The following DOCK9 variants were observed in gnomAD, a reference collection of about 807,000 sequenced individuals.
DOCK9 encodes dedicator of cytokinesis protein 9.
DOCK9 carries 89 observed loss-of-function variants against 263.3 expected under a neutral mutation model. That is an observed-to-expected ratio of 0.34 (90% CI 0.28 to 0.40). The LOEUF (loss-of-function observed/expected upper bound fraction) is 0.40. Among genes scored for constraint, DOCK9 ranks in the 10% least tolerant of loss-of-function variants. The pLI is 1.00. For synonymous variants in DOCK9, 976 were observed against 973.1 expected (o/e 1.00, Z -0.06); for missense variants, 2,140 against 2,603.4 (o/e 0.82, Z 3.87).
At chr13:98,891,205 G>A (rs1332066256) in intron 15 of DOCK9, among the ~76,000 whole-genome samples, 1 of 152,138 alleles carries the variant, frequency 6.6e-6, no homozygotes, top group Non-Finnish European at 1.5e-5. Context: ...ATGATAGCTT[G>A]TGGAGCCTCT....
At chr13:98,884,866 G>A (rs2045429706) in intron 21 of DOCK9, 105 bp downstream of exon 21, 4 of 1,321,144 alleles carry the variant, frequency 3.0e-6, no homozygotes, top group Non-Finnish European at 3.1e-6. Context: ...CAAAATGGTG[G>A]AAGAGCAAAA....
chr13:99,059,015 G>T (rs1596006400), intron 1 of DOCK9, among the ~76,000 whole-genome samples: 1 of 152,190 alleles, frequency 6.6e-6, no homozygotes, highest in South Asian at 2.1e-4. Context: ...TATCTCTCTG[G>T]CCTTGGCCCA....
At position 98,826,894 on chromosome 13, in the gene DOCK9, T is replaced by C; in HGVS notation, c.4966-7A>G. 3 of 1,606,184 alleles carry C rather than the reference T, an allele frequency of 1.9e-6. No individual in the cohort carries two copies. On this transcript the variant is annotated splice_polypyrimidine_tract_variant and splice_region_variant and intron_variant, in intron 43 of 52. Transcript: ENST00000682017. ...GGACATAGCACATTGCTGCCTATAA[T>C]AGAAGACACATGCCTCAGAATCATC...
chr13:98,880,458 A>G, intron 26 of DOCK9, 89 bp downstream of exon 26: 2 of 1,552,370 alleles, frequency 1.3e-6, no homozygotes, highest in Non-Finnish European at 1.8e-6. Flanking sequence ...TGTCTCTAAG[A>G]GCACTCAGAA....
intron 2 of DOCK9, among the ~76,000 whole-genome samples, chr13:98,931,250 C>T (rs1567002176): frequency 6.6e-6 from 1 of 152,110 alleles, no homozygotes; most frequent in African/African-American, 2.4e-5. Flanking sequence ...ACCTCAATAA[C>T]TAGGCTTAAG....
chr13:98,881,652 G>A (rs369792653), intron 24 of DOCK9, 25 bp from the exon 25 acceptor site: 3 of 1,587,326 alleles, frequency 1.9e-6, no homozygotes, highest in Non-Finnish European at 2.6e-6. Context: ...AGTGAATAAA[G>A]CAAAGAATAT....
intron 45 of DOCK9, among the ~76,000 whole-genome samples, chr13:98,818,845 G>T (rs1456316408): frequency 1.3e-5 from 2 of 152,156 alleles, no homozygotes; most frequent in Non-Finnish European, 2.9e-5. Context: ...GTGTGTGTGT[G>T]TGTGTGCGCA....
intron 34 of DOCK9, among the ~76,000 whole-genome samples, 196 bp from the exon 35 acceptor site, chr13:98,853,718 C>T (rs965930180): frequency 6.6e-6 from 1 of 152,098 alleles, no homozygotes; most frequent in Non-Finnish European, 1.5e-5. Flanking sequence ...CCCATGGAAG[C>T]CCTAGCTTGT....
intron 45 of DOCK9, 128 bp downstream of exon 45, chr13:98,824,270 A>G: frequency 1.4e-6 from 1 of 737,914 alleles, no homozygotes; most frequent in Non-Finnish European, 2.3e-6. Context: ...GAATCATCTC[A>G]GTTAGAGCTA....
intron 7 of DOCK9, among the ~76,000 whole-genome samples, chr13:98,917,552 T>C (rs1338218416): frequency 1.3e-5 from 2 of 152,136 alleles, no homozygotes; most frequent in African/African-American, 2.4e-5. Context: ...ACATTAGCTG[T>C]TGACTGAAAA....
At position 98,902,961 on chromosome 13, in the gene DOCK9, T is replaced by C; in HGVS notation, c.1176+11A>G. 1 of 1,499,162 alleles carries C rather than the reference T, an allele frequency of 6.7e-7. No homozygotes were observed. The highest frequency in any genetic ancestry group is 8.9e-7 in the Non-Finnish European group (1 of 1,129,480). 92.9% of individuals were successfully genotyped at this position (1,499,162 alleles called of 1,614,324 possible). On this transcript the variant is annotated intron_variant, in intron 11 of 52. Transcript: ENST00000682017. ...TTTTTTTTAATGTTTATTTTTAAAA[T>C]GAAAAATTACATTTGTAGTGGGTCC...
chr13:98,884,436 A>G (rs2045355612), intron 21 of DOCK9, among the ~76,000 whole-genome samples: 1 of 152,246 alleles, frequency 6.6e-6, no homozygotes, highest in Non-Finnish European at 1.5e-5. Context: ...GACAAACATA[A>G]AAAGAACAGG....
chr13:98,932,979 G>A (rs1490509547), intron 2 of DOCK9, among the ~76,000 whole-genome samples: 1 of 152,094 alleles, frequency 6.6e-6, no homozygotes, highest in Admixed American at 6.6e-5. Context: ...TGTACAAAAA[G>A]CTACAAAGCA....
intron 1 of DOCK9, among the ~76,000 whole-genome samples, chr13:99,078,969 A>C (rs2042017882): frequency 6.6e-6 from 1 of 152,244 alleles, no homozygotes; most frequent in African/African-American, 2.4e-5. Context: ...TATGTTAAAG[A>C]CTAAACACAG....
intron 7 of DOCK9, among the ~76,000 whole-genome samples, chr13:98,915,704 T>C (rs887449828): frequency 2.0e-5 from 3 of 149,884 alleles, no homozygotes; most frequent in African/African-American, 7.4e-5. Context: ...TCTGCAAGCT[T>C]TATTTTTCCT....
intron 1 of DOCK9, among the ~76,000 whole-genome samples, chr13:99,038,623 A>C (rs1215791831): frequency 6.6e-6 from 1 of 152,100 alleles, no homozygotes; most frequent in Non-Finnish European, 1.5e-5. Flanking sequence ...CTTTCAACTC[A>C]AAACTAGCTT....
chr13:98,849,848 T>C (rs1315520436), intron 36 of DOCK9, among the ~76,000 whole-genome samples, 199 bp downstream of exon 36: 1 of 152,190 alleles, frequency 6.6e-6, no homozygotes, highest in Non-Finnish European at 1.5e-5. Context: ...GTATCTGTAA[T>C]ACTTTAAGGG....
chr13:99,086,735 G>A (rs1003310019), upstream of DOCK9: 30 of 147,134 alleles, frequency 2.0e-4, no homozygotes, highest in African/African-American at 6.9e-4. Flanking sequence ...CCGGACGGCG[G>A]AGGAGGGGCC....
At chr13:98,812,066 T>C (rs1322500918) in intron 45 of DOCK9, among the ~76,000 whole-genome samples, 2 of 152,046 alleles carry the variant, frequency 1.3e-5, no homozygotes, top group Non-Finnish European at 2.9e-5. Flanking sequence ...TGTGGGTCCA[T>C]TTCTGGACTC....
Sources: gnomAD v4.1 joint callset for allele counts (sites outside exome capture counted in the v4.1 genomes callset) on GRCh38, gnomAD v4.1.1 for gene constraint, MANE v1.5 for transcripts, NCBI Gene and HGNC (gene_info 2026-07-23, HGNC 2026-07-21) for gene names.